The following PECAM1 variants were observed in gnomAD, a reference collection of about 807,000 sequenced individuals.
PECAM1 encodes the protein platelet and endothelial cell adhesion molecule 1.
In PECAM1, 8 loss-of-function variants were observed where a neutral mutation model predicts 13.8. The ratio of observed to expected loss-of-function variants is 0.58; its 90% CI spans 0.34 to 1.05. PECAM1 has a LOEUF of 1.05. Among genes scored for constraint, PECAM1 ranks in the 50% least tolerant of loss-of-function variants. PECAM1 has a pLI of 0.03. For synonymous variants in PECAM1, 136 were observed against 52.6 expected (o/e 2.58, Z -6.86); for missense variants, 304 against 141.2 (o/e 2.15, Z -5.84).
chr17:64,322,320 AGGTT>A lies in PECAM1; in HGVS notation c.*1492_*1495del, dbSNP rs1555644570. ...AGAACTGCTTGAACCCAGGAGGCGG[AGGTT>A]GCAGTGAGCAGAGGTTGCGCCGCTG... is the stretch of plus-strand genomic sequence containing the variant. On this transcript the variant is annotated 3_prime_UTR_variant, in exon 16 of 16. Transcript: ENST00000563924. 11 of 653,354 alleles carry A rather than the reference AGGTT, an allele frequency of 1.7e-5. No individual in the cohort carries two copies. In the South Asian group the frequency reaches 6.5e-4, roughly 39 times the overall value. The allele number at this position is 653,354 out of a possible 1,614,324, so 40.5% of individuals were successfully genotyped here. A position where few individuals can be genotyped will look rare whatever the true frequency, so the allele number is the denominator to read the frequency against.
intron 13 of PECAM1, among the ~76,000 whole-genome samples, chr17:64,345,395 C>T (rs1187082172): frequency 3.9e-5 from 6 of 152,142 alleles, no homozygotes; most frequent in South Asian, 4.2e-4. Context: ...GTTATCTCAA[C>T]GAGTCAATCA....
At chr17:64,340,617 C>T (rs924789152) in intron 14 of PECAM1, among the ~76,000 whole-genome samples, 6 of 152,028 alleles carry the variant, frequency 3.9e-5, no homozygotes, top group Non-Finnish European at 7.4e-5. Context: ...ACCCCCCCAC[C>T]GAAAAAAAGG....
intron 13 of PECAM1, among the ~76,000 whole-genome samples, chr17:64,346,485 G>A (rs1375378670): frequency 1.3e-5 from 2 of 152,016 alleles, no homozygotes; most frequent in African/African-American, 2.4e-5. Context: ...ACAGGCATGC[G>A]CCACCACGCC....
chr17:64,321,751 C>T lies in PECAM1; in HGVS notation c.*2065G>A. 2 of 1,254,988 alleles carry T rather than the reference C, an allele frequency of 1.6e-6. No homozygotes were observed. The highest frequency in any genetic ancestry group is 1.3e-5 in the South Asian group (1 of 77,704). 77.7% of individuals were successfully genotyped at this position (1,254,988 alleles called of 1,614,324 possible). Reference sequence around the variant, plus strand: ...ACTCCAGCCTGGGCAACAGAGCAAGCCCCTGTCTCAACAAAACAAAACAAA... The same window carrying T: ...ACTCCAGCCTGGGCAACAGAGCAAGTCCCTGTCTCAACAAAACAAAACAAA... On this transcript the variant is annotated 3_prime_UTR_variant, in exon 16 of 16. Transcript: ENST00000563924.
At chr17:64,330,422 C>A (rs2035078451) in intron 14 of PECAM1, among the ~76,000 whole-genome samples, 2 of 151,960 alleles carry the variant, frequency 1.3e-5, no homozygotes, top group African/African-American at 4.8e-5. Flanking sequence ...GCAGGCGGAT[C>A]ACCTGAGGCC....
In PECAM1 at chr17:64,344,728, G is replaced by A. The variant is rs200759999; in HGVS notation, c.2108-3038C>T. ...CTGGCTCTCCACCCACAGGAAGGCA[G>A]AGAGGGAACACCTGAGGCTCAGGCC... is the stretch of plus-strand genomic sequence containing the variant. On this transcript the variant is annotated intron_variant, in intron 13 of 15. Transcript: ENST00000563924. Among the ~76,000 whole-genome samples the A allele has an allele frequency of 1.1e-3, 161 of 152,264 alleles. 2 individuals are homozygous for A. The highest frequency in any genetic ancestry group is 3.7e-3 in the African/African-American group (155 of 41,560).
At chr17:64,353,611 C>T (rs1417011379) in intron 9 of PECAM1, 93 bp from the exon 10 acceptor site, 1 of 422,754 alleles carries the variant, frequency 2.4e-6, no homozygotes, top group African/African-American at 2.0e-5. Context: ...TTTGCACTAA[C>T]CTAATAGATA....
intron 2 of PECAM1, chr17:64,378,775 C>A (rs2036419142): frequency 6.6e-6 from 1 of 152,240 alleles, no homozygotes; most frequent in African/African-American, 2.4e-5. Context: ...GGCAGCTAGA[C>A]TCTCTGAGCT....
chr17:64,331,686 C>T (rs1339850770), intron 14 of PECAM1, among the ~76,000 whole-genome samples: 6 of 152,236 alleles, frequency 3.9e-5, no homozygotes, highest in Admixed American at 6.5e-5. Flanking sequence ...AGGCAAGTGA[C>T]GGGTATGGCT....
intron 2 of PECAM1, among the ~76,000 whole-genome samples, chr17:64,384,505 T>A (rs2036551231): frequency 6.6e-6 from 1 of 152,184 alleles, no homozygotes; most frequent in Non-Finnish European, 1.5e-5. Flanking sequence ...GCAGCTTTTA[T>A]CCTGATCACT....
At chr17:64,342,706 C>T (rs1325231154) in intron 13 of PECAM1, among the ~76,000 whole-genome samples, 7 of 152,146 alleles carry the variant, frequency 4.6e-5, no homozygotes, top group African/African-American at 1.7e-4. Context: ...TGATGACTGA[C>T]CCAGGGTGTG....
chr17:64,341,434 G>A (rs901598616), intron 14 of PECAM1, among the ~76,000 whole-genome samples, 200 bp downstream of exon 14: 10 of 152,130 alleles, frequency 6.6e-5, no homozygotes, highest in Non-Finnish European at 1.2e-4. Context: ...AGAAGCGCTC[G>A]TTGACTACAT....
rs1371774497 is a variant in PECAM1, at chr17:64,369,833, A to C, written c.884T>G (p.Met295Arg). Residue 295 changes from methionine (M) to arginine (R), a missense_variant, in exon 5 of 16, where the codon ATG (methionine) becomes AGG (arginine). Physicochemically the swap from Met to Arg is moderately conservative, Grantham distance 91. Coordinates refer to ENST00000563924, the MANE Select transcript of PECAM1 (RefSeq NM_000442.5). ...CGTGTAGTTGCCACTGTGCTCCACC[A>C]TGGCCATGACTGAGTACACAGCCTT... Reference protein sequence around the residue: ...GNKAVYSVMAMVEHSGNYTCK... With the variant: ...GNKAVYSVMARVEHSGNYTCK... 1.3e-5 allele frequency: 5 copies of C among 398,616 alleles called. No individual in the cohort carries two copies. The East Asian group carries it at 1.8e-4, about 14-fold the overall frequency. 24.7% of individuals were successfully genotyped at this position (398,616 alleles called of 1,614,324 possible).
chr17:64,374,192 T>C (rs1322146122), intron 4 of PECAM1, among the ~76,000 whole-genome samples: 1 of 152,164 alleles, frequency 6.6e-6, no homozygotes, highest in East Asian at 1.9e-4. Context: ...ATGGCCAGTG[T>C]TTAAAGACTG....
chr17:64,347,689 ATGTATTTATAT>A (rs2035610102), intron 13 of PECAM1, among the ~76,000 whole-genome samples: 17 of 126,188 alleles, frequency 1.3e-4, no homozygotes, highest in African/African-American at 3.9e-4. Context: ...TATATTATAT[ATGTATTTATAT>A]TTATATATTA....
chr17:64,354,665 C>T lies in PECAM1; in HGVS notation c.1888+268G>A, dbSNP rs1598024412. ...GTGTGTGCAACATGTGGGTGTTATGCGCATGTTTGTGTGTCTCCAAGACAC... is the reference window on the plus strand; with the variant it reads ...GTGTGTGCAACATGTGGGTGTTATGTGCATGTTTGTGTGTCTCCAAGACAC... On this transcript the variant is annotated intron_variant, in intron 9 of 15. Coordinates refer to ENST00000563924, the MANE Select transcript of PECAM1 (RefSeq NM_000442.5). 2.0e-5 allele frequency among the ~76,000 whole-genome samples: 3 copies of T among 152,116 alleles called. No individual in the cohort carries two copies. The East Asian group carries it at 5.8e-4, about 29-fold the overall frequency.
intron 2 of PECAM1, 139 bp downstream of exon 2, chr17:64,390,350 T>A: frequency 2.4e-6 from 1 of 410,214 alleles, no homozygotes; most frequent in Non-Finnish European, 4.4e-6. Flanking sequence ...TGGGATAAAC[T>A]TTAGTTCTCA....
chr17:64,347,535 G>GAA (rs1290671032), intron 13 of PECAM1, among the ~76,000 whole-genome samples: 17 of 59,002 alleles, frequency 2.9e-4, no homozygotes, highest in East Asian at 2.8e-3. Flanking sequence ...TCTCAACAAA[G>GAA]AAAAAAAAAA....
chr17:64,354,869 G>A (rs1017284038), intron 9 of PECAM1, 64 bp downstream of exon 9: 10 of 471,422 alleles, frequency 2.1e-5, no homozygotes, highest in African/African-American at 4.0e-5. Context: ...AAAGCACCAC[G>A]CATCCCTGGC....
Sources: allele counts gnomAD v4.1 joint callset (sites outside exome capture counted in the v4.1 genomes callset), GRCh38; gene constraint gnomAD v4.1.1; transcripts MANE v1.5; gene names NCBI Gene and HGNC (gene_info 2026-07-23, HGNC 2026-07-21).